Variants in TANC2 observed in about 807,000 individuals in gnomAD.
TANC2 encodes protein TANC2.
TANC2 carries 26 observed loss-of-function variants against 210.5 expected under a neutral mutation model. The observed-to-expected ratio is 0.12, with a 90% CI of 0.09 to 0.17. The LOEUF is 0.17. Among genes scored for constraint, TANC2 ranks in the 10% least tolerant of loss-of-function variants. The pLI is 1.00. For missense variants in TANC2, 2,129 were observed against 2,608.9 expected (o/e 0.82, Z 4.01); for synonymous variants, 931 against 967.1 (o/e 0.96, Z 0.69).
At chr17:63,310,704 A>C (rs898988409) in intron 9 of TANC2, among the ~76,000 whole-genome samples, 2 of 152,210 alleles carry the variant, frequency 1.3e-5, no homozygotes, top group African/African-American at 4.8e-5. Flanking sequence ...CACACACATA[A>C]ATTACTTTTC....
chr17:63,118,028 C>T (rs927878181), intron 4 of TANC2, among the ~76,000 whole-genome samples: 2 of 152,124 alleles, frequency 1.3e-5, no homozygotes, highest in Non-Finnish European at 2.9e-5. Context: ...CTGTTAAAAA[C>T]TCAATTTTTC....
At chr17:63,426,669 C>A (rs1338005747) in exon 28 of TANC2, 1 of 152,288 alleles carries the variant, frequency 6.6e-6, no homozygotes, top group Non-Finnish European at 1.5e-5. Context: ...ACCCCATCAT[C>A]TCATTGCCTC....
exon 28 of TANC2, chr17:63,426,077 A>C (rs2049135974): frequency 6.6e-6 from 1 of 152,312 alleles, no homozygotes. Context: ...TGATGCTCCC[A>C]GTGCCCAGCA....
At chr17:63,130,937 A>C (rs554796963) in intron 4 of TANC2, 1 of 152,346 alleles carries the variant, frequency 6.6e-6, no homozygotes, top group Admixed American at 6.5e-5. Flanking sequence ...AAAACAAAGC[A>C]CATTAACTTT....
At chr17:63,389,273 T>C in intron 16 of TANC2, 35 bp from the exon 17 acceptor site, 1 of 1,528,736 alleles carries the variant, frequency 6.5e-7, no homozygotes, top group African/African-American at 1.4e-5. Flanking sequence ...TGACTCCTGT[T>C]TGTCTAATTA....
intron 21 of TANC2, among the ~76,000 whole-genome samples, chr17:63,407,300 T>G (rs1372083819): frequency 6.6e-6 from 1 of 152,036 alleles, no homozygotes; most frequent in Non-Finnish European, 1.5e-5. Context: ...ACCAAAGAAA[T>G]TTGGCTTCAT....
intron 4 of TANC2, among the ~76,000 whole-genome samples, chr17:63,127,052 T>C (rs1598437929): frequency 6.6e-6 from 1 of 152,234 alleles, no homozygotes; most frequent in Non-Finnish European, 1.5e-5. Context: ...TTCTCATTTT[T>C]AAGTACCAAA....
At chr17:63,391,113 T>C (rs1226945679) in intron 17 of TANC2, 1 of 152,222 alleles carries the variant, frequency 6.6e-6, no homozygotes, top group Non-Finnish European at 1.5e-5. Context: ...CGTTATTTCA[T>C]TCTTTTTCTA....
chr17:63,054,159 A>G (rs2035683468), intron 2 of TANC2, among the ~76,000 whole-genome samples: 1 of 152,166 alleles, frequency 6.6e-6, no homozygotes, highest in Admixed American at 6.5e-5. Flanking sequence ...TGTTTCATTG[A>G]ATTATTATTA....
intron 5 of TANC2, among the ~76,000 whole-genome samples, chr17:63,171,230 A>C (rs1567783286): frequency 2.0e-5 from 3 of 151,296 alleles, no homozygotes. Context: ...TTACAGGCGC[A>C]CACCACCACA....
At chr17:63,388,541 C>A in intron 15 of TANC2, 94 bp from the exon 16 acceptor site, 1 of 1,322,924 alleles carries the variant, frequency 7.6e-7, no homozygotes, top group Non-Finnish European at 1.0e-6. Flanking sequence ...CGCTCTCATT[C>A]ATTAGTACCA....
chr17:63,345,784 A>G (rs2046388042), intron 12 of TANC2, among the ~76,000 whole-genome samples: 1 of 152,354 alleles, frequency 6.6e-6, no homozygotes, highest in African/African-American at 2.4e-5. Context: ...TTACTATAAT[A>G]GTCATGACAG....
At chr17:63,304,657 C>A (rs2044838275) in intron 9 of TANC2, among the ~76,000 whole-genome samples, 1 of 152,138 alleles carries the variant, frequency 6.6e-6, no homozygotes, top group African/African-American at 2.4e-5. Flanking sequence ...TGTCTGGGCT[C>A]CCTGGATTCC....
chr17:62,972,394 A>T (rs904354358), intron 1 of TANC2, among the ~76,000 whole-genome samples: 1 of 152,124 alleles, frequency 6.6e-6, no homozygotes, highest in Non-Finnish European at 1.5e-5. Context: ...GTCTTTATTC[A>T]CTACATGGTT....
At chr17:63,070,277 G>A (rs1479245345) in intron 2 of TANC2, among the ~76,000 whole-genome samples, 1 of 152,050 alleles carries the variant, frequency 6.6e-6, no homozygotes, top group Non-Finnish European at 1.5e-5. Context: ...CCTCGCAAGA[G>A]CCTTTCTTGG....
intron 10 of TANC2, among the ~76,000 whole-genome samples, chr17:63,316,969 T>TTAAACTTAATATAAGTTATTATATA: frequency 1.3e-5 from 2 of 151,204 alleles, no homozygotes; most frequent in Non-Finnish European, 2.9e-5. Flanking sequence ...AGTTATTATA[T>TTAAACTTAATATAAGTTATTATATA]TAAACTTAAT....
intron 4 of TANC2, chr17:63,148,311 G>C (rs1397116858): frequency 6.6e-6 from 1 of 152,054 alleles, no homozygotes. Context: ...CTTAATAAGT[G>C]AGCTATATCA....
chr17:63,158,384 C>T (rs9908970), intron 5 of TANC2, among the ~76,000 whole-genome samples: 152,023 of 152,322 alleles, frequency 1, 75,863 homozygotes, highest in Middle Eastern at 1. Context: ...TACACATTTA[C>T]TTCTTGGAAA....
At chr17:63,374,199 G>A (rs2047359211) in intron 14 of TANC2, among the ~76,000 whole-genome samples, 1 of 151,834 alleles carries the variant, frequency 6.6e-6, no homozygotes, top group Admixed American at 6.6e-5. Flanking sequence ...AGCACAACTG[G>A]CTAACTTTTT....
Sources: gnomAD v4.1 joint callset for allele counts (sites outside exome capture counted in the v4.1 genomes callset) on GRCh38, gnomAD v4.1.1 for gene constraint, MANE v1.5 for transcripts, NCBI Gene and HGNC (gene_info 2026-07-23, HGNC 2026-07-21) for gene names.